Variants in TNFRSF14 observed in about 807,000 individuals in gnomAD.
TNFRSF14 encodes TNF receptor superfamily member 14.
Under a neutral mutation model 34.1 loss-of-function variants are expected in TNFRSF14, and 18 were observed. The ratio of observed to expected loss-of-function variants is 0.53; its 90% CI spans 0.36 to 0.78. The LOEUF (loss-of-function observed/expected upper bound fraction) is 0.78. TNFRSF14 is among the 30% of genes least tolerant of loss of function. The pLI is 0.00. For missense variants in TNFRSF14, 352 were observed against 379.5 expected, an observed-to-expected ratio of 0.93 and a Z score of 0.60; for synonymous variants, 157 against 153.2, an observed-to-expected ratio of 1.02 and a Z score of -0.18.
At chr1:2,562,009 G>A in intron 6 of TNFRSF14, 194 bp downstream of exon 6, 1 of 652,360 alleles carries the variant, frequency 1.5e-6, no homozygotes, top group South Asian at 1.9e-5. Flanking sequence ...CTCCCTGGGG[G>A]AAGGGAAGGT....
chr1:2,560,303 C>G (rs952518043), intron 4 of TNFRSF14, among the ~76,000 whole-genome samples: 1 of 152,212 alleles, frequency 6.6e-6, no homozygotes, highest in African/African-American at 2.4e-5. Flanking sequence ...GTTAATGCCA[C>G]TGTTCAAGCT....
In TNFRSF14 at chr1:2,558,444, C is replaced by T. The variant is rs1644252327; in HGVS notation, c.280C>T (p.Leu94=). The T allele has an allele frequency of 2.5e-6, 4 of 1,613,330 alleles. No homozygotes were observed. In the African/African-American group the frequency reaches 5.3e-5, roughly 22 times the overall value. ...CCACCTCAATGGCCTAAGCAAGTGTCTGCAGTGCCAAATGTGTGACCCAGG... is the reference window on the plus strand; with the variant it reads ...CCACCTCAATGGCCTAAGCAAGTGTTTGCAGTGCCAAATGTGTGACCCAGG... ...IAHLNGLSKC[L]QCQMCDPAMG... Residue 94 remains leucine, a synonymous_variant, in exon 3 of 8, where the codon CTG becomes TTG. Coordinates refer to ENST00000355716, the MANE Select transcript of TNFRSF14 (RefSeq NM_003820.4).
chr1:2,560,546 C>T (rs1031138568), intron 4 of TNFRSF14, 78 bp from the exon 5 acceptor site: 2 of 1,106,666 alleles, frequency 1.8e-6, no homozygotes, highest in Middle Eastern at 2.2e-4. Context: ...TAGAAGCTCA[C>T]AGACAAGCAG....
intron 3 of TNFRSF14, chr1:2,559,426 T>C (rs587777987): frequency 1.4e-6 from 2 of 1,387,804 alleles, no homozygotes; most frequent in African/African-American, 1.4e-5. Flanking sequence ...GCCATTGGAA[T>C]GGCCTGGTTT....
At chr1:2,560,113 G>T in intron 4 of TNFRSF14, 135 bp downstream of exon 4, 1 of 1,316,892 alleles carries the variant, frequency 7.6e-7, no homozygotes, top group South Asian at 1.5e-5. Flanking sequence ...CCAGCCCCAG[G>T]CCCACCCACT....
At chr1:2,558,498 C>T in intron 3 of TNFRSF14, 30 bp downstream of exon 3, 2 of 1,611,318 alleles carry the variant, frequency 1.2e-6, no homozygotes, top group Non-Finnish European at 1.7e-6. Context: ...GGCCCAGCCT[C>T]CGCTTGGGCA....
Position 2,559,837 on chromosome 1 carries a change from G to A in TNFRSF14, c.319G>A (p.Ala107Thr), listed in dbSNP as rs372896541. ...QMCDPAMGLR[A>T]SRNCSRTENA... ...TTGGACTCCAGCCATGGGCCTGCGC[G>A]CGAGCCGGAACTGCTCCAGGACAGA... Residue 107 changes from alanine to threonine, a missense_variant, in exon 4 of 8, where the codon GCG becomes ACG. Coordinates refer to ENST00000355716, the MANE Select transcript of TNFRSF14 (RefSeq NM_003820.4). The A allele has an allele frequency of 8.1e-6, 13 of 1,607,724 alleles. No homozygotes were observed. Among genetic ancestry groups the A allele is most frequent in the East Asian group, 2.2e-5 (1 of 44,682 alleles).
intron 2 of TNFRSF14, 58 bp from the exon 3 acceptor site, chr1:2,558,281 ATGGG>A (rs1644249301): frequency 1.9e-6 from 3 of 1,546,940 alleles, no homozygotes; most frequent in Non-Finnish European, 2.6e-6. Flanking sequence ...GGGTGGAGTG[ATGGG>A]TGGGCTCCCG....
chr1:2,561,321 C>A lies in TNFRSF14; in HGVS notation c.552-352C>A. 1.6e-6 allele frequency: 1 copy of A among 631,530 alleles called. No homozygotes were observed. The highest frequency in any genetic ancestry group is 2.7e-6 in the Non-Finnish European group (1 of 365,638). The allele number at this position is 631,530 out of a possible 1,614,324, so 39.1% of individuals were successfully genotyped here. ...AGCTCTAACCATTTTTGTCCCGACA[C>A]TGGCTCTCCCTCTACCTTCTGTCCT... On this transcript the variant is annotated intron_variant, in intron 5 of 7. Transcript: ENST00000355716. This position sits in a 1 kb window ranked among gnomAD's most constrained non-coding sequence, Gnocchi z 6.0.
chr1:2,563,056 C>T, intron 7 of TNFRSF14, 92 bp from the exon 8 acceptor site: 1 of 1,592,304 alleles, frequency 6.3e-7, no homozygotes, highest in East Asian at 2.2e-5. Context: ...AGAACCCACC[C>T]CCTCAAACTG....
chr1:2,557,627 T>C, intron 1 of TNFRSF14, 99 bp from the exon 2 acceptor site: 1 of 876,692 alleles, frequency 1.1e-6, no homozygotes, highest in South Asian at 2.0e-5. Context: ...CTGCCGCTCC[T>C]CCCCATTGCA....
intron 4 of TNFRSF14, 21 bp downstream of exon 4, chr1:2,559,999 AC>A (rs1242584238): frequency 2.0e-6 from 3 of 1,513,644 alleles, no homozygotes; most frequent in Non-Finnish European, 2.7e-6. Context: ...GGTGGCGGAC[AC>A]CCCTCCCATT....
chr1:2,557,630 C>A, intron 1 of TNFRSF14, 96 bp from the exon 2 acceptor site: 1 of 926,030 alleles, frequency 1.1e-6, no homozygotes, highest in Non-Finnish European at 1.6e-6. Context: ...CCGCTCCTCC[C>A]CATTGCACAG....
At chr1:2,558,997 G>T in intron 3 of TNFRSF14, 3 of 1,367,180 alleles carry the variant, frequency 2.2e-6, no homozygotes, top group Non-Finnish European at 2.9e-6. Flanking sequence ...GTCACTGAGC[G>T]CAGAGCCTGT....
Position 2,560,638 on chromosome 1 carries a change from G to C in TNFRSF14, c.475G>C (p.Asp159His). Residue 159 changes from aspartate to histidine, a missense_variant, in exon 5 of 8, where the codon GAC becomes CAC. Physicochemically the swap from Asp to His is moderately conservative, Grantham distance 81. Transcript: ENST00000355716. ...RVQKGGTESQDTLCQNCPPGT... is the reference protein window; with the variant it reads ...RVQKGGTESQHTLCQNCPPGT... ...TCTCTTCTCAGGCACCGAGAGTCAGGACACCCTGTGTCAGAACTGCCCCCC... is the reference window on the plus strand; with the variant it reads ...TCTCTTCTCAGGCACCGAGAGTCAGCACACCCTGTGTCAGAACTGCCCCCC... 6.2e-7 allele frequency: 1 copy of C among 1,613,374 alleles called. No individual in the cohort carries two copies. The highest frequency in any genetic ancestry group is 8.5e-7 in the Non-Finnish European group (1 of 1,179,890).
At chr1:2,556,883 C>A in intron 1 of TNFRSF14, 150 bp downstream of exon 1, 1 of 748,868 alleles carries the variant, frequency 1.3e-6, no homozygotes. Context: ...TCGGGTCAAC[C>A]CAGACCCCCA....
At chr1:2,558,979 G>C in intron 3 of TNFRSF14, 1 of 1,366,624 alleles carries the variant, frequency 7.3e-7, no homozygotes, top group Non-Finnish European at 9.6e-7. Context: ...CCCAGAGGTG[G>C]CCTTTGAGTC....
At position 2,563,461 on chromosome 1, in the gene TNFRSF14, C is replaced by A; in HGVS notation, c.*188C>A. On this transcript the variant is annotated 3_prime_UTR_variant, in exon 8 of 8. Coordinates refer to ENST00000355716, the MANE Select transcript of TNFRSF14 (RefSeq NM_003820.4). ...AGAGCTGGGGACGCCACGTGCCATTCCCATGGGCCAGTGAGGGCCTGGGGC... is the reference window on the plus strand; with the variant it reads ...AGAGCTGGGGACGCCACGTGCCATTACCATGGGCCAGTGAGGGCCTGGGGC... The A allele has an allele frequency of 2.2e-6, 2 of 894,588 alleles. No homozygotes were observed. Among genetic ancestry groups the A allele is most frequent in the Non-Finnish European group, 1.6e-6 (1 of 606,980 alleles). 55.4% of individuals were successfully genotyped at this position (894,588 alleles called of 1,614,324 possible). A position where few individuals can be genotyped will look rare whatever the true frequency, so the allele number is the denominator to read the frequency against.
In TNFRSF14 at chr1:2,558,488, G is replaced by A. The variant is rs984959784; in HGVS notation, c.304+20G>A. ...ACCCAGGTAAGAGGCCAGCACAGCC[G>A]GCCCAGCCTCCGCTTGGGCAGCCTG... On this transcript the variant is annotated intron_variant, in intron 3 of 7. Coordinates refer to ENST00000355716, the MANE Select transcript of TNFRSF14 (RefSeq NM_003820.4). The A allele has an allele frequency of 6.2e-6, 10 of 1,611,790 alleles. No individual in the cohort carries two copies. Among genetic ancestry groups the A allele is most frequent in the Middle Eastern group, 1.7e-4 (1 of 5,968 alleles).
Sources: allele counts gnomAD v4.1 joint callset (sites outside exome capture counted in the v4.1 genomes callset), GRCh38; gene constraint gnomAD v4.1.1; non-coding constraint Gnocchi (gnomAD v3.1); transcripts MANE v1.5; gene names NCBI Gene and HGNC (gene_info 2026-07-23, HGNC 2026-07-21).